Variants in COPE observed in about 807,000 individuals in gnomAD.
COPE encodes coatomer subunit epsilon.
COPE carries 19 observed loss-of-function variants against 42.1 expected under a neutral mutation model. The ratio of observed to expected loss-of-function variants is 0.45; its 90% confidence interval spans 0.31 to 0.66. The LOEUF (loss-of-function observed/expected upper bound fraction) is 0.66, where lower values mean the gene tolerates loss of function less well. Ranked by LOEUF, COPE falls within the 30% of genes least tolerant of loss-of-function variation. The pLI, the probability that COPE is intolerant of heterozygous loss-of-function variation, is 0.05. For synonymous variants in COPE, 195 were observed against 181.3 expected (o/e 1.08, Z -0.60); for missense variants, 402 against 416.1 (o/e 0.97, Z 0.30).
intron 3 of COPE, among the ~76,000 whole-genome samples, chr19:18,908,516 T>TCC (rs2145067823): frequency 2.9e-5 from 2 of 68,028 alleles, no homozygotes; most frequent in East Asian, 2.3e-4. Flanking sequence ...CAAAACCCCA[T>TCC]CTCTCTTTTT....
chr19:18,911,710 C>A (rs1185169892), intron 2 of COPE, among the ~76,000 whole-genome samples: 2 of 152,006 alleles, frequency 1.3e-5, no homozygotes, highest in East Asian at 3.9e-4. Flanking sequence ...CGCCACCACG[C>A]CCGGCTAATT....
rs552229152 is a variant in COPE, at chr19:18,904,155, G to A, written c.579+616C>T. Among the ~76,000 whole-genome samples, 322 of 152,334 alleles carry A rather than the reference G, an allele frequency of 2.1e-3. 1 individual carries two copies. The highest frequency in any genetic ancestry group is 3.6e-3 in the Non-Finnish European group (242 of 68,028). ...TAATTTTGTATTTTTGGTAAAGATG[G>A]GGTTTCTCCATGTTGGTCAGGCTGG... On this transcript the variant is annotated intron_variant, in intron 6 of 9. Coordinates refer to ENST00000262812, the MANE Select transcript of COPE (RefSeq NM_007263.4).
Position 18,906,151 on chromosome 19 carries a change from C to T in COPE, c.444-522G>A, listed in dbSNP as rs1215977112. On this transcript the variant is annotated intron_variant, in intron 4 of 9. Coordinates refer to ENST00000262812, the MANE Select transcript of COPE (RefSeq NM_007263.4). Reference sequence around the variant, plus strand: ...CAGGAGCCAGCACCTGGACCAGCACCGAGTCGGCCGGCTCGCCGACAGTGT... The same window carrying T: ...CAGGAGCCAGCACCTGGACCAGCACTGAGTCGGCCGGCTCGCCGACAGTGT... The T allele has an allele frequency of 2.8e-4, 113 of 396,824 alleles. No individual in the cohort carries two copies. The East Asian group carries it at 3.4e-3, about 12-fold the overall frequency. The allele number at this position is 396,824 out of a possible 1,614,324, so 24.6% of individuals were successfully genotyped here.
At chr19:18,904,457 G>A (rs1223919159) in intron 6 of COPE, among the ~76,000 whole-genome samples, 4 of 152,226 alleles carry the variant, frequency 2.6e-5, no homozygotes, top group African/African-American at 7.2e-5. Context: ...AAGCTGAGTC[G>A]CAGAAAACCC....
chr19:18,917,286 G>A (rs2056863124), intron 1 of COPE, among the ~76,000 whole-genome samples: 2 of 127,736 alleles, frequency 1.6e-5, no homozygotes, highest in Admixed American at 2.0e-4. Flanking sequence ...TTTTGACATA[G>A]TAAGAGCACC....
chr19:18,902,772 AGAAG>A (rs71168781), intron 7 of COPE, among the ~76,000 whole-genome samples: 13,919 of 31,848 alleles, frequency 0.44, 4,370 homozygotes, highest in South Asian at 0.51. Context: ...AGGAAGGGAA[AGAAG>A]GAAGGAAGGA....
rs1274971567 is a variant in COPE at position 18,913,006 on chromosome 19, A to C, written c.167T>G (p.Leu56Arg). 4 of 1,612,040 alleles carry C rather than the reference A, an allele frequency of 2.5e-6. No homozygotes were observed. Among genetic ancestry groups the C allele is most frequent in the Non-Finnish European group, 2.5e-6 (3 of 1,179,902 alleles). ...PERDVERDVF[L>R]YRAYLAQRKF... Reference sequence around the variant, plus strand: ...CACCTGCGCCAGGTACGCTCTATACAGGAAGACGTCCCTCTCCACGTCTCT... The same window carrying C: ...CACCTGCGCCAGGTACGCTCTATACCGGAAGACGTCCCTCTCCACGTCTCT... Residue 56 changes from leucine (L) to arginine (R), a missense_variant, in exon 2 of 10, where the codon CTG (leucine) becomes CGG (arginine). By Grantham distance (102) the Leu-to-Arg change is moderately radical (BLOSUM62 -2). Transcript: ENST00000262812.
At chr19:18,913,100 C>G (rs1343429942) in intron 1 of COPE, 54 bp from the exon 2 acceptor site, 1 of 1,517,766 alleles carries the variant, frequency 6.6e-7, no homozygotes, top group African/African-American at 1.4e-5. Context: ...GCGCAGCCCA[C>G]ACAGGGTGAG....
Position 18,909,208 on chromosome 19 carries a change from GAAGT to G in COPE, c.290+1759_290+1762del, listed in dbSNP as rs144536944. ...GTTCCCTGCCTTCACTCCAGCTGGT[GAAGT>G]AAGTGCAGGGTGGGAGAAACAGTGG... On this transcript the variant is annotated intron_variant, in intron 3 of 9. Coordinates refer to ENST00000262812, the MANE Select transcript of COPE (RefSeq NM_007263.4). 2.7e-3 allele frequency among the ~76,000 whole-genome samples: 406 copies of G among 152,360 alleles called. 2 individuals are homozygous for G. Among genetic ancestry groups the G allele is most frequent in the Non-Finnish European group, 2.1e-3 (144 of 68,034 alleles).
intron 1 of COPE, among the ~76,000 whole-genome samples, chr19:18,914,782 GTCTTGC>G (rs1473693404): frequency 3.5e-5 from 5 of 143,166 alleles, no homozygotes; most frequent in African/African-American, 1.3e-4. Context: ...TTTTGATGGA[GTCTTGC>G]TCTGTCACCC....
chr19:18,904,872 C>G lies in COPE; in HGVS notation c.498-20G>C, dbSNP rs1272998487. 6.4e-7 allele frequency: 1 copy of G among 1,551,170 alleles called. No individual in the cohort carries two copies. Among genetic ancestry groups the G allele is most frequent in the Non-Finnish European group, 8.7e-7 (1 of 1,146,692 alleles). On this transcript the variant is annotated intron_variant, in intron 5 of 9. Transcript: ENST00000262812. ...TCCTTCCTGGGGCGGGGACAGATGA[C>G]AGAGGGGCTGAGTGGCCGAGGGCCC...
intron 1 of COPE, among the ~76,000 whole-genome samples, chr19:18,913,729 C>T (rs779458670): frequency 7.2e-5 from 11 of 152,182 alleles, no homozygotes; most frequent in Non-Finnish European, 1.0e-4. Flanking sequence ...CTCGCCCAGG[C>T]CCCTGGGGGC....
chr19:18,911,572 G>C (rs2056810750), intron 2 of COPE, among the ~76,000 whole-genome samples: 1 of 150,154 alleles, frequency 6.7e-6, no homozygotes, highest in South Asian at 2.1e-4. Flanking sequence ...TTTTTTTCGA[G>C]ACGGAGTCTC....
rs1425564189 is a variant in COPE, at chr19:18,904,807, G to A, written c.543C>T (p.Leu181=). 1 of 1,555,380 alleles carries A rather than the reference G, an allele frequency of 6.4e-7. No homozygotes were observed. Among genetic ancestry groups the A allele is most frequent in the Non-Finnish European group, 8.7e-7 (1 of 1,149,174 alleles). ...RMQDLDEDAT[L]TQLATAWVSL... is the part of the protein sequence containing the mutation. ...TGACCCAGGCAGTGGCGAGCTGGGT[G>A]AGGGTGGCATCCTCGTCCAGGTCCT... The change falls in exon 6 of 10, where the codon CTC becomes CTT. Residue 181 remains leucine (L), a synonymous_variant. Transcript: ENST00000262812.
intron 1 of COPE, among the ~76,000 whole-genome samples, chr19:18,917,873 G>T (rs989782254): frequency 6.6e-6 from 1 of 152,040 alleles, no homozygotes; most frequent in Admixed American, 6.6e-5. Flanking sequence ...AGCAGAGTAG[G>T]GGGGTATGCC....
chr19:18,910,715 T>C (rs1274463109), intron 3 of COPE: 13 of 550,184 alleles, frequency 2.4e-5, no homozygotes, highest in Non-Finnish European at 3.9e-5. Context: ...GAGAGTGCCT[T>C]GTGGTCCATG....
intron 1 of COPE, among the ~76,000 whole-genome samples, chr19:18,918,082 C>G (rs541046538): frequency 1.4e-5 from 2 of 147,838 alleles, no homozygotes; most frequent in African/African-American, 5.0e-5. Flanking sequence ...CCCAGCTACT[C>G]GAGAGGCTGA....
rs752634865 is a variant in COPE at position 18,906,951 on chromosome 19, G to A, written c.443+9C>T. ...CCTGGGCTGGCCCCAGAGCAGGGAG[G>A]CCACTCACCACTCCAGGCTGTCCCC... On this transcript the variant is annotated intron_variant, in intron 4 of 9. Transcript: ENST00000262812. 3 of 1,552,064 alleles carry A rather than the reference G, an allele frequency of 1.9e-6. No homozygotes were observed. Among genetic ancestry groups the A allele is most frequent in the African/African-American group, 2.7e-5 (2 of 73,294 alleles).
At chr19:18,904,911 C>CCTG in intron 5 of COPE, 59 bp from the exon 6 acceptor site, 1 of 1,510,152 alleles carries the variant, frequency 6.6e-7, no homozygotes, top group East Asian at 2.5e-5. Context: ...CCTGGCCATC[C>CCTG]CTGCCTTGTC....
Sources: allele counts gnomAD v4.1 joint callset (sites outside exome capture counted in the v4.1 genomes callset), GRCh38; gene constraint gnomAD v4.1.1; transcripts MANE v1.5; gene names NCBI Gene and HGNC (gene_info 2026-07-23, HGNC 2026-07-21).